The following SH3PXD2B variants were observed in gnomAD, a reference collection of about 807,000 sequenced individuals.
SH3PXD2B encodes the protein SH3 and PX domains 2B.
In SH3PXD2B, 37 loss-of-function variants were observed where a neutral mutation model predicts 73.1. That is an observed-to-expected ratio of 0.51 (90% CI 0.39 to 0.67). SH3PXD2B has a LOEUF of 0.67. SH3PXD2B is among the 30% of genes least tolerant of loss of function. SH3PXD2B has a pLI of 0.00. For synonymous variants in SH3PXD2B, 457 were observed against 480.5 expected (o/e 0.95, Z 0.64); for missense variants, 1,053 against 1,197.8 (o/e 0.88, Z 1.78).
In SH3PXD2B at chr5:172,338,564, G is replaced by A. The variant is rs143850475; in HGVS notation, c.2541C>T (p.Ala847=). Reference sequence around the variant, plus strand: ...CATACAAAGAGTCCTTCAGGCCGTCGGCATTGGGGACAGAGGCTGCAGCTG... The same window carrying A: ...CATACAAAGAGTCCTTCAGGCCGTCAGCATTGGGGACAGAGGCTGCAGCTG... ...EKAAAASVPN[A]DGLKDSLYVA... The change falls in exon 13 of 13, where the codon GCC becomes GCT. Residue 847 remains alanine, a synonymous_variant. Transcript: ENST00000311601. This position sits in a 1 kb window ranked among gnomAD's most constrained non-coding sequence, Gnocchi z 5.1. The A allele has an allele frequency of 2.2e-4, 363 of 1,614,140 alleles. No individual in the cohort carries two copies. In the African/African-American group the frequency reaches 3.5e-3, roughly 15 times the overall value.
chr5:172,356,756 G>C (rs559924242), intron 8 of SH3PXD2B: 1 of 152,450 alleles, frequency 6.6e-6, no homozygotes, highest in African/African-American at 2.4e-5. Flanking sequence ...CCGGGGCAGA[G>C]ACCAATACCT....
chr5:172,411,690 C>T (rs1758701672), intron 2 of SH3PXD2B, among the ~76,000 whole-genome samples: 1 of 152,136 alleles, frequency 6.6e-6, no homozygotes, highest in Non-Finnish European at 1.5e-5. Context: ...CTGGGGAGCA[C>T]ACCAGATGCT....
intron 1 of SH3PXD2B, among the ~76,000 whole-genome samples, chr5:172,428,058 G>A (rs1171202230): frequency 6.6e-6 from 1 of 152,164 alleles, no homozygotes; most frequent in African/African-American, 2.4e-5. Flanking sequence ...TTACAGGCAT[G>A]AGCCACCGCA....
intron 4 of SH3PXD2B, 74 bp downstream of exon 4, chr5:172,394,489 T>C (rs901383098): frequency 6.7e-7 from 1 of 1,486,482 alleles, no homozygotes; most frequent in African/African-American, 1.4e-5. Flanking sequence ...TTGTTGAGCA[T>C]CTTGTAGCCA....
chr5:172,447,687 C>A (rs1309087872), intron 1 of SH3PXD2B, among the ~76,000 whole-genome samples: 1 of 152,218 alleles, frequency 6.6e-6, no homozygotes, highest in African/African-American at 2.4e-5. Context: ...ACTTTCTCAG[C>A]CCACTAGAGG....
chr5:172,404,383 A>C (rs1758505937), intron 3 of SH3PXD2B, among the ~76,000 whole-genome samples: 1 of 151,222 alleles, frequency 6.6e-6, no homozygotes. Flanking sequence ...GCTCACTGCA[A>C]CCTCCACTGC....
chr5:172,339,696 A>C lies in SH3PXD2B; in HGVS notation c.1409T>G (p.Leu470Arg). 1.9e-6 allele frequency: 3 copies of C among 1,614,196 alleles called. No individual in the cohort carries two copies. Among genetic ancestry groups the C allele is most frequent in the Non-Finnish European group, 2.5e-6 (3 of 1,180,034 alleles). ...GSEATGPSRPLPDAPHGVMDS... is the reference protein window; with the variant it reads ...GSEATGPSRPRPDAPHGVMDS... ...CATGACACCATGCGGTGCGTCAGGC[A>C]GGGGCCGGGAGGGGCCCGTGGCTTC... Residue 470 changes from leucine to arginine, a missense_variant, in exon 13 of 13, where the codon CTG (leucine) becomes CGG (arginine). By Grantham distance (102) the Leu-to-Arg change is moderately radical. Coordinates refer to ENST00000311601, the MANE Select transcript of SH3PXD2B (RefSeq NM_001017995.3). This position sits in a 1 kb window ranked among gnomAD's most constrained non-coding sequence, Gnocchi z 6.1.
At chr5:172,382,163 A>G in intron 4 of SH3PXD2B, 36 bp from the exon 5 acceptor site, 1 of 1,538,670 alleles carries the variant, frequency 6.5e-7, no homozygotes, top group Non-Finnish European at 8.9e-7. Flanking sequence ...GCAAAGGAGG[A>G]GAGGGGGCTG....
intron 1 of SH3PXD2B, among the ~76,000 whole-genome samples, chr5:172,447,650 G>A (rs79021080): frequency 6.6e-6 from 1 of 152,346 alleles, no homozygotes; most frequent in East Asian, 1.9e-4. Flanking sequence ...TGGCAGAGCA[G>A]GGATTTGAAC....
chr5:172,352,599 C>G (rs1757180383), intron 9 of SH3PXD2B, among the ~76,000 whole-genome samples: 1 of 152,144 alleles, frequency 6.6e-6, no homozygotes, highest in East Asian at 1.9e-4. Context: ...CCCAGAATTC[C>G]CACATGTTGT....
In SH3PXD2B at chr5:172,406,363, G is replaced by A; in HGVS notation, c.157-11C>T. On this transcript the variant is annotated splice_polypyrimidine_tract_variant and intron_variant, in intron 2 of 12. Coordinates refer to ENST00000311601, the MANE Select transcript of SH3PXD2B (RefSeq NM_001017995.3). ...GTCCAACATCTGCATCTAAGTGGGG[G>A]GCGAATACCAAAAACAAAAACCTTT... The A allele has an allele frequency of 6.2e-7, 1 of 1,613,872 alleles. No individual in the cohort carries two copies.
At chr5:172,413,636 G>A (rs1214418005) in intron 2 of SH3PXD2B, among the ~76,000 whole-genome samples, 1 of 152,256 alleles carries the variant, frequency 6.6e-6, no homozygotes, top group Non-Finnish European at 1.5e-5. Context: ...CCAGGTGGCA[G>A]CAACAGGGCC....
chr5:172,430,874 T>G (rs1273690117), intron 1 of SH3PXD2B, among the ~76,000 whole-genome samples: 1 of 152,126 alleles, frequency 6.6e-6, no homozygotes, highest in Admixed American at 6.5e-5. Flanking sequence ...CTTTCTTTTT[T>G]TTTTTCTTTT....
chr5:172,338,212 G>A lies in SH3PXD2B; in HGVS notation c.*157C>T, dbSNP rs926494173. 14 of 1,527,436 alleles carry A rather than the reference G, an allele frequency of 9.2e-6. No homozygotes were observed. The highest frequency in any genetic ancestry group is 6.9e-5 in the African/African-American group (5 of 72,412). 94.6% of individuals were successfully genotyped at this position (1,527,436 alleles called of 1,614,324 possible). On this transcript the variant is annotated 3_prime_UTR_variant, in exon 13 of 13. Transcript: ENST00000311601. The surrounding 1 kb of genome is among the most constrained non-coding windows in gnomAD (Gnocchi z 5.1). ...AGGCCCAGGGGCGCCCGAGGTGTCC[G>A]AAACTCACTCTCCACCCATGGGAGG...
chr5:172,341,539 C>T (rs1756849706), intron 12 of SH3PXD2B, among the ~76,000 whole-genome samples: 2 of 152,180 alleles, frequency 1.3e-5, no homozygotes, highest in Non-Finnish European at 2.9e-5. Context: ...GTAAAAGCTC[C>T]CTGAGCCTCC....
At chr5:172,404,316 A>AT (rs200906488) in intron 3 of SH3PXD2B, among the ~76,000 whole-genome samples, 8,115 of 150,342 alleles carry the variant, frequency 0.054, 319 homozygotes, top group South Asian at 0.22. Context: ...ATATATATAT[A>AT]TTTTTTTTTG....
At chr5:172,420,146 G>A (rs1023229048) in intron 2 of SH3PXD2B, among the ~76,000 whole-genome samples, 11 of 152,144 alleles carry the variant, frequency 7.2e-5, no homozygotes, top group Non-Finnish European at 1.2e-4. Flanking sequence ...CCCAGTGTTC[G>A]CTCCTGTCAA....
At chr5:172,398,998 G>A (rs1425515521) in intron 3 of SH3PXD2B, among the ~76,000 whole-genome samples, 1 of 151,874 alleles carries the variant, frequency 6.6e-6, no homozygotes, top group Admixed American at 6.6e-5. Context: ...TCAAAAATTT[G>A]TCTGTTTATC....
chr5:172,400,891 C>G (rs535635861), intron 3 of SH3PXD2B, among the ~76,000 whole-genome samples: 49 of 152,132 alleles, frequency 3.2e-4, no homozygotes, highest in Non-Finnish European at 5.9e-4. Context: ...GAATCCTCCC[C>G]CTCAATACAT....
Sources: gnomAD v4.1 joint callset for allele counts (sites outside exome capture counted in the v4.1 genomes callset) on GRCh38, gnomAD v4.1.1 for gene constraint, Gnocchi (gnomAD v3.1) non-coding constraint, MANE v1.5 for transcripts, NCBI Gene and HGNC (gene_info 2026-07-23, HGNC 2026-07-21) for gene names.